Variants in PLD5 observed in about 807,000 individuals in gnomAD.
PLD5 encodes the protein inactive phospholipase D5.
In PLD5, 36 loss-of-function variants were observed where a neutral mutation model predicts 61.1. That is an observed-to-expected ratio of 0.59 (90% CI 0.45 to 0.78). The LOEUF (loss-of-function observed/expected upper bound fraction) is 0.78, where lower values mean the gene tolerates loss of function less well. PLD5 is among the 30% of genes least tolerant of loss of function. PLD5 has a pLI of 0.00. For synonymous variants in PLD5, 243 were observed against 242.8 expected, an observed-to-expected ratio of 1.00 and a Z score of -0.01; for missense variants, 515 against 644.4, an observed-to-expected ratio of 0.80 and a Z score of 2.17.
intron 9 of PLD5, among the ~76,000 whole-genome samples, chr1:242,094,355 C>T (rs1385326137): frequency 6.6e-6 from 1 of 152,148 alleles, no homozygotes; most frequent in East Asian, 1.9e-4. Context: ...CAGAGCTTGA[C>T]TCAAATGTAC....
chr1:242,249,012 G>A (rs1574608172), intron 4 of PLD5, among the ~76,000 whole-genome samples: 1 of 152,152 alleles, frequency 6.6e-6, no homozygotes, highest in African/African-American at 2.4e-5. Context: ...GCCGGGTGTG[G>A]TGGTGCAGGC....
intron 1 of PLD5, among the ~76,000 whole-genome samples, chr1:242,484,285 A>T (rs560569511): frequency 1.3e-5 from 2 of 152,176 alleles, no homozygotes; most frequent in Non-Finnish European, 2.9e-5. Context: ...GGTTTTTGAA[A>T]GATCAACAAA....
At chr1:242,486,614 G>A (rs1458279343) in intron 1 of PLD5, among the ~76,000 whole-genome samples, 1 of 152,164 alleles carries the variant, frequency 6.6e-6, no homozygotes, top group Non-Finnish European at 1.5e-5. Context: ...CTGTTGCTGA[G>A]ACTGTAAACT....
At position 242,231,311 on chromosome 1, in the gene PLD5, G is replaced by A. The variant is rs141217563; in HGVS notation, c.608-11196C>T. Among the ~76,000 whole-genome samples, 16 of 152,252 alleles carry A rather than the reference G, an allele frequency of 1.1e-4. No homozygotes were observed. The East Asian group carries it at 2.7e-3, about 26-fold the overall frequency. On this transcript the variant is annotated intron_variant, in intron 4 of 9. Transcript: ENST00000536534. ...ACAGTGGGGAATGATGAGTACTTCC[G>A]AGGCATCCGTTTTGGTGCCAGTGCT...
chr1:242,486,401 G>T (rs532810201), intron 1 of PLD5, among the ~76,000 whole-genome samples: 1 of 152,190 alleles, frequency 6.6e-6, no homozygotes, highest in Non-Finnish European at 1.5e-5. Flanking sequence ...GTGGGCGAAG[G>T]ATATGAACAG....
intron 1 of PLD5, among the ~76,000 whole-genome samples, chr1:242,425,648 T>C (rs1665379742): frequency 6.7e-6 from 1 of 149,048 alleles, no homozygotes; most frequent in African/African-American, 2.5e-5. Context: ...ACTTTTTTTT[T>C]TTTTTTTTTT....
At chr1:242,232,030 G>A (rs1191997106) in intron 4 of PLD5, among the ~76,000 whole-genome samples, 1 of 151,246 alleles carries the variant, frequency 6.6e-6, no homozygotes, top group African/African-American at 2.4e-5. Context: ...AAATCTAATT[G>A]CGGTAGTTCT....
chr1:242,323,618 C>G (rs1407566740), intron 2 of PLD5, among the ~76,000 whole-genome samples: 1 of 152,190 alleles, frequency 6.6e-6, no homozygotes, highest in East Asian at 1.9e-4. Context: ...ATGCCTGCAG[C>G]CTTTCTCCAG....
At chr1:242,091,316 A>G (rs970320521) in intron 9 of PLD5, among the ~76,000 whole-genome samples, 5 of 152,186 alleles carry the variant, frequency 3.3e-5, no homozygotes, top group African/African-American at 1.2e-4. Context: ...CTGCCCTAGA[A>G]GAGACTAATC....
chr1:242,332,839 T>C (rs1334732685), intron 2 of PLD5, among the ~76,000 whole-genome samples: 1 of 152,202 alleles, frequency 6.6e-6, no homozygotes, highest in Non-Finnish European at 1.5e-5. Context: ...CTTACATTAC[T>C]GGAAAAACTA....
chr1:242,476,359 A>AAAAAAAG (rs889555497), intron 1 of PLD5, among the ~76,000 whole-genome samples: 2 of 152,102 alleles, frequency 1.3e-5, no homozygotes, highest in African/African-American at 2.4e-5. Context: ...CCGTCTCAAA[A>AAAAAAAG]AAAAAAGAAA....
In PLD5 at chr1:242,422,319, C is replaced by T. The variant is rs888413632; in HGVS notation, c.190-74077G>A. ...TACCCCATCTATCAGAAAGCTGCCT[C>T]CCGCACCAGGGTCAGCATTCCATTT... On this transcript the variant is annotated intron_variant, in intron 1 of 9. Transcript: ENST00000536534. 7.9e-5 allele frequency among the ~76,000 whole-genome samples: 12 copies of T among 152,292 alleles called. No individual in the cohort carries two copies. In the South Asian group the frequency reaches 1.5e-3, roughly 18 times the overall value.
chr1:242,490,686 A>T (rs1668119563), intron 1 of PLD5, among the ~76,000 whole-genome samples: 3 of 152,212 alleles, frequency 2.0e-5, no homozygotes, highest in African/African-American at 7.2e-5. Context: ...CCACATCTGC[A>T]TTACAGAATT....
chr1:242,465,515 T>C (rs910814284), intron 1 of PLD5, among the ~76,000 whole-genome samples: 1 of 152,250 alleles, frequency 6.6e-6, no homozygotes, highest in Non-Finnish European at 1.5e-5. Context: ...CAGGAGGCTC[T>C]GCATGATCTT....
intron 5 of PLD5, among the ~76,000 whole-genome samples, chr1:242,156,216 C>T (rs955193939): frequency 6.6e-6 from 1 of 152,176 alleles, no homozygotes; most frequent in African/African-American, 2.4e-5. Context: ...AAATATTCCT[C>T]CATCCCTTTA....
At chr1:242,319,425 G>A (rs1436829953) in intron 2 of PLD5, among the ~76,000 whole-genome samples, 1 of 151,240 alleles carries the variant, frequency 6.6e-6, no homozygotes, top group Non-Finnish European at 1.5e-5. Flanking sequence ...AAATGATTGT[G>A]TGTGTATATA....
intron 1 of PLD5, among the ~76,000 whole-genome samples, chr1:242,429,313 C>A (rs377110818): frequency 3.9e-5 from 6 of 152,126 alleles, no homozygotes. Context: ...GCAAGCTTAC[C>A]GGGAATAATT....
At chr1:242,392,935 G>A (rs1663020480) in intron 1 of PLD5, among the ~76,000 whole-genome samples, 2 of 152,046 alleles carry the variant, frequency 1.3e-5, no homozygotes, top group Non-Finnish European at 2.9e-5. Flanking sequence ...GGGCCGCAGT[G>A]GCTCACGCCT....
chr1:242,241,934 TTATA>T (rs1227355261), intron 4 of PLD5, among the ~76,000 whole-genome samples: 1 of 122,632 alleles, frequency 8.2e-6, no homozygotes, highest in African/African-American at 3.0e-5. Context: ...ATATATACGC[TTATA>T]TATATATACT....
Sources: gnomAD v4.1 joint callset for allele counts (sites outside exome capture counted in the v4.1 genomes callset) on GRCh38, gnomAD v4.1.1 for gene constraint, MANE v1.5 for transcripts, NCBI Gene and HGNC (gene_info 2026-07-23, HGNC 2026-07-21) for gene names.